LY75: variants seen among roughly 807,000 people sequenced by gnomAD.
LY75 encodes the protein C-type lectin domain family 13 member B.
In LY75, 185 loss-of-function variants were observed where a neutral mutation model predicts 231.7. The ratio of observed to expected loss-of-function variants is 0.80; its 90% confidence interval spans 0.71 to 0.90. LY75 has a LOEUF of 0.90. LY75 is among the 40% of genes least tolerant of loss of function. The probability of loss-of-function intolerance (pLI) is 0.00; values close to 1 mark genes in which losing one functional copy is unlikely to be tolerated. For synonymous variants in LY75, 668 were observed against 689.0 expected (o/e 0.97, Z 0.48); for missense variants, 1,947 against 2,050.2 (o/e 0.95, Z 0.97).
At chr2:159,895,548 T>C (rs1391060220) in intron 2 of LY75, among the ~76,000 whole-genome samples, 1 of 152,204 alleles carries the variant, frequency 6.6e-6, no homozygotes, top group African/African-American at 2.4e-5. Context: ...TTGTTCTTTA[T>C]CATAAACCTG....
At chr2:159,874,680 TATGTAAATATATATATTTTGTAAATA>T in intron 12 of LY75, among the ~76,000 whole-genome samples, 1 of 24,300 alleles carries the variant, frequency 4.1e-5, no homozygotes, top group Non-Finnish European at 9.6e-5. Flanking sequence ...TTTGTAAATA[TATGTAAATATATATATTTTGTAAATA>T]TATGTAAATA....
At chr2:159,842,139 T>G (rs1384740683) in intron 24 of LY75, 106 bp downstream of exon 24, 1 of 1,368,660 alleles carries the variant, frequency 7.3e-7, no homozygotes, top group Non-Finnish European at 9.6e-7. Flanking sequence ...AGGTAATTTT[T>G]CAACCTATGT....
At chr2:159,816,764 T>C in intron 30 of LY75, 42 bp downstream of exon 30, 1 of 1,605,626 alleles carries the variant, frequency 6.2e-7, no homozygotes, top group Non-Finnish European at 8.5e-7. Flanking sequence ...ACCCTCAAAA[T>C]AACACATTTG....
intron 25 of LY75, 43 bp from the exon 26 acceptor site, chr2:159,835,688 TA>T: frequency 1.9e-6 from 3 of 1,595,328 alleles, no homozygotes; most frequent in Non-Finnish European, 2.6e-6. Flanking sequence ...ATATTGATGT[TA>T]ACCCTTTGTA....
chr2:159,814,905 A>T (rs954984929), intron 31 of LY75, among the ~76,000 whole-genome samples: 3 of 152,008 alleles, frequency 2.0e-5, no homozygotes, highest in African/African-American at 7.2e-5. Context: ...AATGAAAGTC[A>T]TTGGGAATAA....
At position 159,904,699 on chromosome 2, in the gene LY75, C is replaced by T; in HGVS notation, c.-17G>A. ...TGTCCTCATCCTGAGCTGGCGCAAG[C>T]CTTCCGGCCGGGTCCTCGGGCGCAC... On this transcript the variant is annotated 5_prime_UTR_variant, in exon 1 of 35. Coordinates refer to ENST00000263636, the MANE Select transcript of LY75 (RefSeq NM_002349.4). 1.4e-6 allele frequency: 2 copies of T among 1,414,454 alleles called. No homozygotes were observed. The highest frequency in any genetic ancestry group is 1.5e-5 in the South Asian group (1 of 67,466). 87.6% of individuals were successfully genotyped at this position (1,414,454 alleles called of 1,614,324 possible). A position where few individuals can be genotyped will look rare whatever the true frequency, so the allele number is the denominator to read the frequency against.
chr2:159,893,965 T>A lies in LY75; in HGVS notation c.586A>T (p.Thr196Ser). 6.2e-7 allele frequency: 1 copy of A among 1,613,852 alleles called. No individual in the cohort carries two copies. The highest frequency in any genetic ancestry group is 8.5e-7 in the Non-Finnish European group (1 of 1,179,848). Residue 196 changes from threonine to serine, a missense_variant, in exon 3 of 35, where the codon ACC (threonine) becomes TCC (serine). Transcript: ENST00000263636. ...CGGTCATATTCATAATTTAAGGTGGTGGCACACCATGGCCCACTATGATCT... is the reference window on the plus strand; with the variant it reads ...CGGTCATATTCATAATTTAAGGTGGAGGCACACCATGGCCCACTATGATCT... ...DEDHSGPWCA[T>S]TLNYEYDRKW...
chr2:159,858,605 A>T, intron 15 of LY75, 129 bp from the exon 16 acceptor site: 1 of 1,023,662 alleles, frequency 9.8e-7, no homozygotes, highest in East Asian at 2.9e-5. Context: ...CGATAAATGA[A>T]CACATGAATT....
rs1456728132 is a variant in LY75, at chr2:159,810,668, C to A, written c.4557G>T (p.Lys1519Asn). 6.2e-7 allele frequency: 1 copy of A among 1,606,762 alleles called. No homozygotes were observed. Among genetic ancestry groups the A allele is most frequent in the Non-Finnish European group, 8.5e-7 (1 of 1,178,112 alleles). ...TTGATGAATATGTAAGACGGGACAG[C>A]TTTTTAGCTATAAAAATGTTAGACA... Reference protein sequence around the residue: ...AICYKPTKSKKLSRLTYSSRC... With the variant: ...AICYKPTKSKNLSRLTYSSRC... The change falls in exon 32 of 35, where the codon AAG (lysine) becomes AAT (asparagine). Residue 1519 changes from lysine (K) to asparagine (N), a missense_variant. Physicochemically the swap from Lys to Asn is moderately conservative, Grantham distance 94. Coordinates refer to ENST00000263636, the MANE Select transcript of LY75 (RefSeq NM_002349.4).
At chr2:159,857,482 C>T (rs1387695960) in intron 16 of LY75, among the ~76,000 whole-genome samples, 2 of 152,204 alleles carry the variant, frequency 1.3e-5, no homozygotes, top group Non-Finnish European at 2.9e-5. Flanking sequence ...TGGCTCATGC[C>T]TGTAATTCTA....
intron 11 of LY75, among the ~76,000 whole-genome samples, chr2:159,875,852 C>T (rs943852284): frequency 2.0e-5 from 3 of 152,004 alleles, no homozygotes; most frequent in African/African-American, 7.3e-5. Context: ...ATCCTCATAA[C>T]AAACCTATGG....
At chr2:159,820,963 C>T (rs1452609586) in intron 28 of LY75, among the ~76,000 whole-genome samples, 4 of 152,154 alleles carry the variant, frequency 2.6e-5, no homozygotes, top group Non-Finnish European at 4.4e-5. Context: ...CTCAGCCTCC[C>T]GAGTAGCAGG....
intron 1 of LY75, among the ~76,000 whole-genome samples, chr2:159,899,493 A>G (rs1686008437): frequency 6.6e-6 from 1 of 152,222 alleles, no homozygotes; most frequent in African/African-American, 2.4e-5. Context: ...CATCTCAATG[A>G]AAAGTCTAGT....
chr2:159,885,114 AC>A, intron 6 of LY75, 38 bp downstream of exon 6: 1 of 1,589,962 alleles, frequency 6.3e-7, no homozygotes, highest in Non-Finnish European at 8.6e-7. Context: ...TGATTTTAAG[AC>A]CTATTTGTCT....
chr2:159,808,719 A>T (rs1240765457), intron 32 of LY75, 148 bp from the exon 33 acceptor site: 1 of 1,182,920 alleles, frequency 8.5e-7, no homozygotes, highest in Non-Finnish European at 1.1e-6. Flanking sequence ...AAAAACTGGT[A>T]TTTAGGTCAA....
intron 13 of LY75, 145 bp downstream of exon 13, chr2:159,872,306 A>G (rs1685038397): frequency 6.8e-6 from 7 of 1,023,764 alleles, no homozygotes; most frequent in East Asian, 2.6e-5. Context: ...TTAATGTTCC[A>G]TGACTGCTAA....
chr2:159,861,566 G>A (rs1199618630), intron 14 of LY75, among the ~76,000 whole-genome samples: 8 of 151,990 alleles, frequency 5.3e-5, no homozygotes, highest in Non-Finnish European at 4.4e-5. Context: ...TGGGCAACAT[G>A]GTGAAACCCC....
At chr2:159,841,424 GT>G (rs1180695348) in intron 24 of LY75, among the ~76,000 whole-genome samples, 2 of 151,900 alleles carry the variant, frequency 1.3e-5, no homozygotes, top group African/African-American at 2.4e-5. Context: ...GAAAAAATGG[GT>G]AAAGATTAAT....
chr2:159,842,183 C>A lies in LY75; in HGVS notation c.3280+62G>T, dbSNP rs568523983. On this transcript the variant is annotated intron_variant, in intron 24 of 34. Coordinates refer to ENST00000263636, the MANE Select transcript of LY75 (RefSeq NM_002349.4). The stretch of plus-strand genomic sequence containing the variant: ...CTCCCTATAGAAAGTGACTCTCTCT[C>A]TCTCTATATATATATATGTAATAGC... The A allele has an allele frequency of 4.7e-3, 7,110 of 1,527,748 alleles. 460 individuals carry two copies. The African/African-American group carries it at 0.093, about 20-fold the overall frequency. 94.6% of individuals were successfully genotyped at this position (1,527,748 alleles called of 1,614,324 possible). A position where few individuals can be genotyped will look rare whatever the true frequency, so the allele number is the denominator to read the frequency against.
Sources: allele counts gnomAD v4.1 joint callset (sites outside exome capture counted in the v4.1 genomes callset), GRCh38; gene constraint gnomAD v4.1.1; transcripts MANE v1.5; gene names NCBI Gene and HGNC (gene_info 2026-07-23, HGNC 2026-07-21).